Variants in GLT8D2 observed in about 807,000 individuals in gnomAD.
GLT8D2 encodes the protein glycosyltransferase 8 domain-containing protein 2.
A neutral mutation model predicts 44.5 loss-of-function variants in GLT8D2; 45 were observed. The observed-to-expected ratio is 1.01, with a 90% confidence interval of 0.80 to 1.30. The LOEUF is 1.30. Among genes scored for constraint, GLT8D2 ranks in the 50% most tolerant of loss-of-function variants. GLT8D2 has a pLI of 0.00. For synonymous variants in GLT8D2, 156 were observed against 157.2 expected (o/e 0.99, Z 0.06); for missense variants, 400 against 430.4 (o/e 0.93, Z 0.62).
intron 4 of GLT8D2, among the ~76,000 whole-genome samples, chr12:104,006,056 A>C (rs1400458164): frequency 2.0e-5 from 3 of 152,180 alleles, no homozygotes; most frequent in Non-Finnish European, 4.4e-5. Context: ...TGCAGCCATA[A>C]AAAAGGATGA....
rs760630355 is a variant in GLT8D2 at position 104,003,132 on chromosome 12, T to C, written c.284+3A>G. 1.2e-5 allele frequency: 19 copies of C among 1,612,694 alleles called. No homozygotes were observed. The highest frequency in any genetic ancestry group is 1.6e-5 in the Non-Finnish European group (19 of 1,178,910). On this transcript the variant is annotated splice_donor_region_variant and intron_variant, in intron 5 of 10. Coordinates refer to ENST00000360814, the MANE Select transcript of GLT8D2 (RefSeq NM_001384711.1). Reference sequence around the variant, plus strand: ...GTGCCAAAGTCTGTAAGACATAACTTACCGTATTCGAGTCAGAGTATTCCG... The same window carrying C: ...GTGCCAAAGTCTGTAAGACATAACTCACCGTATTCGAGTCAGAGTATTCCG...
rs567680062 is a variant in GLT8D2, at chr12:104,004,461, G to A, written c.113-1155C>T. On this transcript the variant is annotated intron_variant, in intron 4 of 10. Transcript: ENST00000360814. ...AACTGTCCCTGTTTGCAGATGACAT[G>A]ATTGTATATTTAGAAAACCCGACCG... Among the ~76,000 whole-genome samples, 18 of 152,308 alleles carry A rather than the reference G, an allele frequency of 1.2e-4. 1 individual carries two copies. In the South Asian group the frequency reaches 1.7e-3, roughly 14 times the overall value.
At chr12:104,048,000 T>A (rs1881346721) in intron 1 of GLT8D2, among the ~76,000 whole-genome samples, 1 of 152,206 alleles carries the variant, frequency 6.6e-6, no homozygotes, top group Non-Finnish European at 1.5e-5. Flanking sequence ...AGTTGAACAG[T>A]TGCAACAGAA....
chr12:103,990,105 A>G (rs1237833107), intron 10 of GLT8D2, among the ~76,000 whole-genome samples: 1 of 34,790 alleles, frequency 2.9e-5, no homozygotes, highest in Non-Finnish European at 5.4e-5. Flanking sequence ...ATATATATAT[A>G]TATATATATA....
chr12:104,026,446 G>C (rs1161006669), intron 1 of GLT8D2, among the ~76,000 whole-genome samples: 1 of 152,074 alleles, frequency 6.6e-6, no homozygotes, highest in Admixed American at 6.6e-5. Flanking sequence ...CTGAAATCAA[G>C]AAGGCTAAGA....
chr12:103,995,297 C>T (rs948079737), intron 8 of GLT8D2, among the ~76,000 whole-genome samples: 22 of 152,124 alleles, frequency 1.4e-4, no homozygotes, highest in East Asian at 5.8e-4. Flanking sequence ...CCTGCCATAC[C>T]CTATATCATC....
rs1483367341 is a variant in GLT8D2 at position 104,003,118 on chromosome 12, T to C, written c.284+17A>G. ...GAAGGAAACAGAAAGTGCCAAAGTC[T>C]GTAAGACATAACTTACCGTATTCGA... is the stretch of plus-strand genomic sequence containing the variant. On this transcript the variant is annotated intron_variant, in intron 5 of 10. Transcript: ENST00000360814. 2 of 1,607,932 alleles carry C rather than the reference T, an allele frequency of 1.2e-6. No individual in the cohort carries two copies. The highest frequency in any genetic ancestry group is 1.7e-6 in the Non-Finnish European group (2 of 1,174,676).
At chr12:104,039,107 A>C (rs1308642624) in intron 1 of GLT8D2, among the ~76,000 whole-genome samples, 1 of 152,092 alleles carries the variant, frequency 6.6e-6, no homozygotes, top group Non-Finnish European at 1.5e-5. Context: ...GAAAGCTGAA[A>C]CTGGATCCCT....
chr12:104,057,155 T>C (rs1882244852), intron 1 of GLT8D2, among the ~76,000 whole-genome samples: 1 of 152,160 alleles, frequency 6.6e-6, no homozygotes, highest in African/African-American at 2.4e-5. Flanking sequence ...AGGATAAAGA[T>C]GTTCCAGAAA....
intron 4 of GLT8D2, among the ~76,000 whole-genome samples, chr12:104,009,816 C>A (rs1458096201): frequency 5.3e-5 from 8 of 152,124 alleles, no homozygotes; most frequent in Non-Finnish European, 8.8e-5. Context: ...ATGGTTTTAT[C>A]AAGGATTTTC....
intron 4 of GLT8D2, among the ~76,000 whole-genome samples, chr12:104,007,431 C>T (rs776122488): frequency 2.6e-5 from 4 of 152,174 alleles, no homozygotes; most frequent in Non-Finnish European, 4.4e-5. Flanking sequence ...ATTTAAGACA[C>T]ATTGAATGGC....
At chr12:104,044,218 C>T (rs1225627133) in intron 1 of GLT8D2, among the ~76,000 whole-genome samples, 1 of 152,142 alleles carries the variant, frequency 6.6e-6, no homozygotes, top group Non-Finnish European at 1.5e-5. Flanking sequence ...ACATGGCTTG[C>T]CCCCTCATGT....
intron 1 of GLT8D2, among the ~76,000 whole-genome samples, chr12:104,021,750 C>T (rs1408857525): frequency 6.7e-6 from 1 of 150,304 alleles, no homozygotes; most frequent in African/African-American, 2.5e-5. Flanking sequence ...GGCTGCTGCA[C>T]TCCAGCTGGG....
At chr12:104,063,633 G>C (rs1050464294) in intron 1 of GLT8D2, among the ~76,000 whole-genome samples, 24 of 152,318 alleles carry the variant, frequency 1.6e-4, no homozygotes, top group Admixed American at 6.5e-5. Flanking sequence ...AGGCAGTATG[G>C]TATATGATAT....
At chr12:104,045,344 T>G (rs1880967681) in intron 1 of GLT8D2, among the ~76,000 whole-genome samples, 1 of 152,096 alleles carries the variant, frequency 6.6e-6, no homozygotes, top group Admixed American at 6.5e-5. Context: ...CCTAGTGACT[T>G]CCGTGTGTGT....
chr12:103,991,002 T>G (rs1038835525), intron 10 of GLT8D2, among the ~76,000 whole-genome samples: 3 of 152,234 alleles, frequency 2.0e-5, no homozygotes, highest in Admixed American at 2.0e-4. Flanking sequence ...AGTGTTATGT[T>G]GCCCTTCTGC....
chr12:104,031,820 CTT>C, intron 1 of GLT8D2, among the ~76,000 whole-genome samples: 1 of 112,378 alleles, frequency 8.9e-6, no homozygotes, highest in East Asian at 2.5e-4. Context: ...AAAGTAGTGA[CTT>C]GGGTTTTTGC....
intron 4 of GLT8D2, among the ~76,000 whole-genome samples, chr12:104,011,118 T>C (rs1487573288): frequency 6.6e-6 from 1 of 152,174 alleles, no homozygotes; most frequent in Non-Finnish European, 1.5e-5. Context: ...TGCCAAAAAG[T>C]TCCCCCTGGA....
At chr12:104,005,821 G>A (rs1456762888) in intron 4 of GLT8D2, among the ~76,000 whole-genome samples, 2 of 152,214 alleles carry the variant, frequency 1.3e-5, no homozygotes, top group African/African-American at 4.8e-5. Context: ...GGAAGACAGT[G>A]TGGTGATTCC....
Sources: allele counts gnomAD v4.1 joint callset (sites outside exome capture counted in the v4.1 genomes callset), GRCh38; gene constraint gnomAD v4.1.1; transcripts MANE v1.5; gene names NCBI Gene and HGNC (gene_info 2026-07-23, HGNC 2026-07-21).